The following EPB41L4A variants were observed in gnomAD, a reference collection of about 807,000 sequenced individuals.
EPB41L4A encodes the protein erythrocyte membrane protein band 4.1 like 4A.
A neutral mutation model predicts 108.6 loss-of-function variants in EPB41L4A; 100 were observed. The observed-to-expected ratio is 0.92, with a 90% confidence interval of 0.78 to 1.09. The LOEUF (loss-of-function observed/expected upper bound fraction) is 1.09. Ranked by LOEUF, EPB41L4A falls within the 50% of genes least tolerant of loss-of-function variation. The pLI, the probability that EPB41L4A is intolerant of heterozygous loss-of-function variation, is 0.00. For missense variants in EPB41L4A, 1,030 were observed against 842.7 expected (o/e 1.22, Z -2.75); for synonymous variants, 319 against 289.0 (o/e 1.10, Z -1.05).
At chr5:112,296,256 TTTTA>T (rs1274418433) in intron 2 of EPB41L4A, among the ~76,000 whole-genome samples, 1 of 152,190 alleles carries the variant, frequency 6.6e-6, no homozygotes, top group Non-Finnish European at 1.5e-5. Context: ...CCCTTCTATT[TTTTA>T]TTTAATATTG....
At chr5:112,303,216 C>A (rs1046354129) in intron 2 of EPB41L4A, among the ~76,000 whole-genome samples, 1 of 152,074 alleles carries the variant, frequency 6.6e-6, no homozygotes, top group African/African-American at 2.4e-5. Flanking sequence ...TTACACGTTA[C>A]AAAATACAGC....
rs371682978 is a variant in EPB41L4A at position 112,148,868 on chromosome 5, AT to A, written n.995-2871del. 3.1e-3 allele frequency among the ~76,000 whole-genome samples: 477 copies of A among 152,258 alleles called. 3 individuals carry two copies. The highest frequency in any genetic ancestry group is 0.011 in the African/African-American group (460 of 41,550). On this transcript the variant is annotated intron_variant and non_coding_transcript_variant, in intron 12 of 13. Coordinates refer to the EPB41L4A transcript ENST00000507810. ...CCTCCCTCCTCTGCTGATTTGGGAT[AT>A]TTACTTTAAGACTAAGGTCCAGCAT...
chr5:112,299,239 T>C (rs560775755), intron 2 of EPB41L4A, among the ~76,000 whole-genome samples: 16 of 152,314 alleles, frequency 1.1e-4, no homozygotes, highest in Admixed American at 6.5e-4. Flanking sequence ...TGACCATAGA[T>C]TGTCTAGTTG....
intron 18 of EPB41L4A, among the ~76,000 whole-genome samples, chr5:112,174,330 C>T (rs1760754725): frequency 6.6e-6 from 1 of 152,208 alleles, no homozygotes; most frequent in African/African-American, 2.4e-5. Context: ...TTCCAGCAGT[C>T]ATTTTTCTTA....
intron 2 of EPB41L4A, among the ~76,000 whole-genome samples, chr5:112,303,940 A>T (rs1044108953): frequency 6.6e-6 from 1 of 152,092 alleles, no homozygotes; most frequent in African/African-American, 2.4e-5. Flanking sequence ...CACTGACTGG[A>T]AAGAGGGAGC....
chr5:112,306,423 G>A (rs759477928), intron 2 of EPB41L4A, among the ~76,000 whole-genome samples: 1 of 152,014 alleles, frequency 6.6e-6, no homozygotes, highest in Non-Finnish European at 1.5e-5. Context: ...ATCCTCCTGT[G>A]AAACAGAAAA....
At chr5:112,275,218 G>A (rs753368594) in intron 4 of EPB41L4A, 108 bp downstream of exon 4, 8 of 1,327,094 alleles carry the variant, frequency 6.0e-6, no homozygotes, top group Non-Finnish European at 8.1e-6. Flanking sequence ...GTTACAAAAT[G>A]CAGGTAGACA....
At chr5:112,419,290 C>A, upstream of EPB41L4A, 2 of 372,638 alleles carry the variant, frequency 5.4e-6, no homozygotes, top group South Asian at 3.4e-5. Flanking sequence ...GCGCGGAGGG[C>A]GGTGGCGCGT....
intron 9 of EPB41L4A, among the ~76,000 whole-genome samples, chr5:112,253,613 C>A (rs1750849792): frequency 6.6e-6 from 1 of 151,910 alleles, no homozygotes; most frequent in African/African-American, 2.4e-5. Context: ...TCGGAATATC[C>A]CTATTCTTAG....
At chr5:112,240,586 G>C (rs908332143) in intron 10 of EPB41L4A, 133 bp downstream of exon 10, 1 of 575,748 alleles carries the variant, frequency 1.7e-6, no homozygotes, top group Non-Finnish European at 3.0e-6. Context: ...ATATAATCCA[G>C]AGAATTAGGA....
At chr5:112,277,758 A>G (rs564213493) in intron 3 of EPB41L4A, among the ~76,000 whole-genome samples, 3 of 152,234 alleles carry the variant, frequency 2.0e-5, no homozygotes, top group Non-Finnish European at 4.4e-5. Context: ...ATCAAAGGCT[A>G]TAGAAATGAA....
At chr5:112,272,727 G>A (rs1752350091) in intron 4 of EPB41L4A, among the ~76,000 whole-genome samples, 1 of 139,740 alleles carries the variant, frequency 7.2e-6, no homozygotes, top group Admixed American at 7.7e-5. Flanking sequence ...GTTGCAGTGA[G>A]CTGAGATTGC....
At chr5:112,226,278 C>A (rs138236911) in intron 12 of EPB41L4A, among the ~76,000 whole-genome samples, 157 of 152,248 alleles carry the variant, frequency 1.0e-3, no homozygotes, top group Middle Eastern at 6.8e-3. Context: ...ATAGAAGTGA[C>A]GTATTTGATC....
intron 12 of EPB41L4A, among the ~76,000 whole-genome samples, chr5:112,229,699 G>C (rs1009401468): frequency 6.6e-6 from 1 of 152,062 alleles, no homozygotes; most frequent in African/African-American, 2.4e-5. Flanking sequence ...TTAGAGTAAC[G>C]GTCTCCAGGC....
chr5:112,336,562 G>A (rs541616788), intron 1 of EPB41L4A, among the ~76,000 whole-genome samples: 1 of 152,284 alleles, frequency 6.6e-6, no homozygotes, highest in African/African-American at 2.4e-5. Flanking sequence ...AGTGGTACAA[G>A]AGCACTTTCC....
At chr5:112,214,936 TA>T (rs1159681242) in intron 12 of EPB41L4A, among the ~76,000 whole-genome samples, 3 of 152,158 alleles carry the variant, frequency 2.0e-5, no homozygotes, top group Admixed American at 6.6e-5. Context: ...ATATTTGACA[TA>T]TAAAACAAAA....
intron 12 of EPB41L4A, among the ~76,000 whole-genome samples, chr5:112,217,775 T>C (rs34720152): frequency 0.077 from 11,759 of 152,256 alleles, 515 homozygotes; most frequent in African/African-American, 0.1. Flanking sequence ...TAGATATACA[T>C]AGACTTTTTA....
chr5:112,267,909 G>A (rs7733521), intron 4 of EPB41L4A, among the ~76,000 whole-genome samples: 46,010 of 152,110 alleles, frequency 0.3, 7,142 homozygotes, highest in African/African-American at 0.35. Context: ...ACTTCTTGCT[G>A]CTGATCAGTG....
chr5:112,274,164 C>T (rs1752459199), intron 4 of EPB41L4A, among the ~76,000 whole-genome samples: 1 of 152,030 alleles, frequency 6.6e-6, no homozygotes, highest in Middle Eastern at 3.2e-3. Flanking sequence ...CCTGTAGTCC[C>T]AGCTACTCCT....
Sources: gnomAD v4.1 joint callset for allele counts (sites outside exome capture counted in the v4.1 genomes callset) on GRCh38, gnomAD v4.1.1 for gene constraint, MANE v1.5 for transcripts, NCBI Gene and HGNC (gene_info 2026-07-23, HGNC 2026-07-21) for gene names.